Variants in GADL1 observed in about 807,000 individuals in gnomAD.
The protein encoded by GADL1 is acidic amino acid decarboxylase GADL1.
A neutral mutation model predicts 69.5 loss-of-function variants in GADL1; 71 were observed. The observed-to-expected ratio is 1.02, with a 90% confidence interval of 0.84 to 1.25. The LOEUF (loss-of-function observed/expected upper bound fraction) is 1.25, where lower values mean the gene tolerates loss of function less well. GADL1 is among the 50% of genes most tolerant of loss of function. GADL1 has a pLI of 0.00. For missense variants in GADL1, 737 were observed against 631.8 expected (o/e 1.17, Z -1.79); for synonymous variants, 254 against 214.4 (o/e 1.18, Z -1.62).
chr3:30,748,146 C>T (rs1304391861), intron 14 of GADL1, among the ~76,000 whole-genome samples: 1 of 152,168 alleles, frequency 6.6e-6, no homozygotes, highest in Non-Finnish European at 1.5e-5. Context: ...TCACCTTCCT[C>T]CTGGACCAAA....
At chr3:30,752,389 G>A (rs1415214294) in intron 14 of GADL1, among the ~76,000 whole-genome samples, 2 of 152,154 alleles carry the variant, frequency 1.3e-5, no homozygotes, top group Non-Finnish European at 2.9e-5. Flanking sequence ...CTTGCATGGA[G>A]ATAGACATGT....
chr3:30,821,011 T>C (rs1436187697), intron 11 of GADL1, among the ~76,000 whole-genome samples: 2 of 152,138 alleles, frequency 1.3e-5, no homozygotes, highest in African/African-American at 2.4e-5. Flanking sequence ...GATGAGTTCA[T>C]GTCCTTTGTA....
At chr3:30,849,761 T>G (rs1698117169) in intron 6 of GADL1, among the ~76,000 whole-genome samples, 2 of 151,970 alleles carry the variant, frequency 1.3e-5, no homozygotes, top group Non-Finnish European at 2.9e-5. Context: ...AAATATTCTT[T>G]TCTTAAAATG....
Position 30,728,274 on chromosome 3 carries a change from C to T in GADL1, c.1534G>A (p.Asp512Asn), listed in dbSNP as rs754659264. 3.7e-6 allele frequency: 6 copies of T among 1,613,790 alleles called. No homozygotes were observed. Among genetic ancestry groups the T allele is most frequent in the Non-Finnish European group, 5.1e-6 (6 of 1,179,774 alleles). Residue 512 changes from aspartate to asparagine, a missense_variant, in exon 15 of 15, where the codon GAT (aspartate) becomes AAT (asparagine). By Grantham distance (23) the Asp-to-Asn change is conservative. Coordinates refer to ENST00000282538, the MANE Select transcript of GADL1 (RefSeq NM_207359.3). ...VSREDMDFLL[D>N]EIDLLGKDM ...TCTTTACCCAGTAAGTCTATCTCAT[C>T]CAGGAGGAAGTCCATGTCCTCCCGG...
chr3:30,797,720 C>T (rs113993513), intron 12 of GADL1: 8 of 145,284 alleles, frequency 5.5e-5, no homozygotes, highest in Admixed American at 3.5e-4. Context: ...CTGTGTTTTT[C>T]CAGAGTCAGG....
chr3:30,747,184 T>C (rs537686846), intron 14 of GADL1, among the ~76,000 whole-genome samples: 22 of 152,308 alleles, frequency 1.4e-4, no homozygotes, highest in African/African-American at 5.1e-4. Context: ...GAATCAGCCT[T>C]TTTCTGTTTA....
chr3:30,822,168 G>C (rs1202332885), intron 11 of GADL1, among the ~76,000 whole-genome samples: 1 of 152,054 alleles, frequency 6.6e-6, no homozygotes, highest in Non-Finnish European at 1.5e-5. Context: ...AACAAGAATA[G>C]ATGGCTGGAT....
chr3:30,837,366 G>A (rs1308621792), intron 9 of GADL1, among the ~76,000 whole-genome samples: 1 of 152,014 alleles, frequency 6.6e-6, no homozygotes, highest in Non-Finnish European at 1.5e-5. Context: ...TCTTTAATAA[G>A]CCAGATAGGC....
intron 14 of GADL1, among the ~76,000 whole-genome samples, chr3:30,754,550 C>T (rs1365445851): frequency 1.3e-5 from 2 of 151,880 alleles, no homozygotes; most frequent in African/African-American, 2.4e-5. Context: ...TGACAGATGA[C>T]AAAGAGTGTA....
chr3:30,892,028 A>C (rs191741439), intron 1 of GADL1, among the ~76,000 whole-genome samples: 2 of 152,316 alleles, frequency 1.3e-5, no homozygotes, highest in African/African-American at 4.8e-5. Context: ...ACAAGAATCA[A>C]AGCTATTCAG....
chr3:30,847,886 G>A (rs534403468), intron 6 of GADL1, among the ~76,000 whole-genome samples: 20 of 152,194 alleles, frequency 1.3e-4, no homozygotes, highest in Admixed American at 7.2e-4. Context: ...TTTCCCAGGC[G>A]TAATCTCTGT....
chr3:30,816,839 C>G lies in GADL1; in HGVS notation c.1051-15751G>C, dbSNP rs373876504. Among the ~76,000 whole-genome samples, 9 of 152,204 alleles carry G rather than the reference C, an allele frequency of 5.9e-5. No homozygotes were observed. In the South Asian group the frequency reaches 1.2e-3, roughly 21 times the overall value. ...GGGATTATAGGCATGAGCTACCACA[C>G]CTGGCCCACATACTAATTTCTGACA... On this transcript the variant is annotated intron_variant, in intron 11 of 14. Transcript: ENST00000282538.
Position 30,846,054 on chromosome 3 carries a change from CAA to C in GADL1, c.652-1590_652-1589del, listed in dbSNP as rs55634806. Among the ~76,000 whole-genome samples, 33 of 115,920 alleles carry C rather than the reference CAA, an allele frequency of 2.8e-4. No individual in the cohort carries two copies. The East Asian group carries it at 2.9e-3, about 10-fold the overall frequency. 76.0% of individuals were successfully genotyped at this position (115,920 alleles called of 152,430 possible). A position where few individuals can be genotyped will look rare whatever the true frequency, so the allele number is the denominator to read the frequency against. On this transcript the variant is annotated intron_variant, in intron 6 of 14. Coordinates refer to ENST00000282538, the MANE Select transcript of GADL1 (RefSeq NM_207359.3). ...CAATGTCAATCTGAGATAGATAGAT[CAA>C]AAAAAAAAAAAACAAAAAACTGCAA...
At chr3:30,848,062 T>C (rs1698085043) in intron 6 of GADL1, among the ~76,000 whole-genome samples, 1 of 152,186 alleles carries the variant, frequency 6.6e-6, no homozygotes, top group African/African-American at 2.4e-5. Context: ...AAATAGCAGT[T>C]TGAATGCAGA....
At chr3:30,764,117 TAC>T (rs1696209414) in intron 14 of GADL1, among the ~76,000 whole-genome samples, 1 of 151,926 alleles carries the variant, frequency 6.6e-6, no homozygotes, top group Non-Finnish European at 1.5e-5. Flanking sequence ...ACATTATATA[TAC>T]TTATGTTTAT....
chr3:30,868,338 G>C (rs751362099), intron 1 of GADL1, among the ~76,000 whole-genome samples: 2 of 151,998 alleles, frequency 1.3e-5, no homozygotes, highest in Non-Finnish European at 2.9e-5. Flanking sequence ...CAAAATTCCA[G>C]GTGTGATCTC....
At chr3:30,793,366 C>CT (rs1485643735) in intron 12 of GADL1, among the ~76,000 whole-genome samples, 16 of 144,858 alleles carry the variant, frequency 1.1e-4, no homozygotes, top group Non-Finnish European at 7.5e-5. Flanking sequence ...TGAAAACAGC[C>CT]TAAAGACAAA....
At chr3:30,872,691 G>T (rs1306663895) in intron 1 of GADL1, among the ~76,000 whole-genome samples, 1 of 151,768 alleles carries the variant, frequency 6.6e-6, no homozygotes. Context: ...AAGTCACCTT[G>T]GTTCCTGTCT....
chr3:30,756,221 T>TTGG (rs1695966202), intron 14 of GADL1, among the ~76,000 whole-genome samples: 1 of 152,156 alleles, frequency 6.6e-6, no homozygotes, highest in Admixed American at 6.5e-5. Context: ...AACATGGAGC[T>TTGG]TGGTAACAAG....
Sources: gnomAD v4.1 joint callset for allele counts (sites outside exome capture counted in the v4.1 genomes callset) on GRCh38, gnomAD v4.1.1 for gene constraint, MANE v1.5 for transcripts, NCBI Gene and HGNC (gene_info 2026-07-23, HGNC 2026-07-21) for gene names.